The following SHANK2 variants were observed in gnomAD, a reference collection of about 807,000 sequenced individuals.
SHANK2 encodes SH3 and multiple ankyrin repeat domains protein 2.
In SHANK2, 43 loss-of-function variants were observed where a neutral mutation model predicts 133.7. That is an observed-to-expected ratio of 0.32 (90% CI 0.25 to 0.41). The LOEUF (loss-of-function observed/expected upper bound fraction) is 0.41. Among genes scored for constraint, SHANK2 ranks in the 10% least tolerant of loss-of-function variants. SHANK2 has a pLI of 1.00. For missense variants in SHANK2, 1,994 were observed against 2,235.8 expected, an observed-to-expected ratio of 0.89 and a Z score of 2.18; for synonymous variants, 1,017 against 952.8, an observed-to-expected ratio of 1.07 and a Z score of -1.24.
chr11:70,615,298 C>T (rs1554995577), intron 17 of SHANK2, among the ~76,000 whole-genome samples: 1 of 152,132 alleles, frequency 6.6e-6, no homozygotes, highest in East Asian at 1.9e-4. Context: ...GTGGGACTGT[C>T]CTCTAGGTGG....
intron 11 of SHANK2, among the ~76,000 whole-genome samples, chr11:70,845,124 G>A (rs368145685): frequency 4.9e-4 from 74 of 150,676 alleles, no homozygotes; most frequent in African/African-American, 1.4e-3. Flanking sequence ...GCTTGAACCC[G>A]GGTGGCAGAG....
chr11:70,492,351 G>T lies in SHANK2; in HGVS notation c.2423C>A (p.Ala808Glu), dbSNP rs148134210. The part of the protein sequence containing the change: ...KQRPSSRCFP[A>E]GSDMNSVYER... ...GCCACTCACGTTCATGTCTGAGCCCGCCGGGAAGCACCGGCTGCTGGGCCG... is the reference window on the plus strand; with the variant it reads ...GCCACTCACGTTCATGTCTGAGCCCTCCGGGAAGCACCGGCTGCTGGGCCG... Residue 808 changes from alanine to glutamate, a missense_variant, in exon 22 of 26, where the codon GCG becomes GAG. Coordinates refer to ENST00000601538, the MANE Select transcript of SHANK2 (RefSeq NM_012309.5). 1.2e-6 allele frequency: 2 copies of T among 1,611,864 alleles called. No individual in the cohort carries two copies. The highest frequency in any genetic ancestry group is 1.3e-5 in the African/African-American group (1 of 74,932).
intron 10 of SHANK2, among the ~76,000 whole-genome samples, chr11:70,896,769 A>T (rs1555075791): frequency 6.6e-6 from 1 of 152,210 alleles, no homozygotes; most frequent in East Asian, 1.9e-4. Flanking sequence ...TTCTATGATG[A>T]TAAGGTTGTC....
chr11:70,796,071 C>T (rs952251102), intron 14 of SHANK2, among the ~76,000 whole-genome samples: 13 of 152,314 alleles, frequency 8.5e-5, no homozygotes, highest in East Asian at 3.9e-4. Context: ...CACAAACCAC[C>T]GCCCCTCTGG....
chr11:70,863,921 C>T (rs782601460), intron 11 of SHANK2: 12 of 447,096 alleles, frequency 2.7e-5, no homozygotes, highest in Admixed American at 1.0e-4. Flanking sequence ...CACAGGCGTC[C>T]GCCCCCACAA....
At chr11:70,873,121 A>G (rs575160000) in intron 11 of SHANK2, 5 of 471,234 alleles carry the variant, frequency 1.1e-5, no homozygotes, top group Non-Finnish European at 2.2e-5. Context: ...AGTTTATAGA[A>G]TGATATGTTT....
intron 14 of SHANK2, among the ~76,000 whole-genome samples, chr11:70,727,769 T>C (rs1309796332): frequency 6.6e-6 from 1 of 152,232 alleles, no homozygotes; most frequent in Non-Finnish European, 1.5e-5. Flanking sequence ...GCCCCAGCCC[T>C]ACCCGCAAGC....
intron 10 of SHANK2, among the ~76,000 whole-genome samples, chr11:70,940,647 C>G (rs1180676220): frequency 3.9e-5 from 6 of 152,134 alleles, no homozygotes; most frequent in Non-Finnish European, 7.3e-5. Flanking sequence ...CTCAATTTTT[C>G]TCAGAGGATA....
At chr11:70,860,266 G>A (rs1949237582) in intron 11 of SHANK2, among the ~76,000 whole-genome samples, 2 of 152,146 alleles carry the variant, frequency 1.3e-5, no homozygotes, top group Non-Finnish European at 2.9e-5. Context: ...GGGTGCGGGG[G>A]ATTTTCTCAG....
At chr11:70,638,155 C>A (rs1281099889) in intron 17 of SHANK2, among the ~76,000 whole-genome samples, 1 of 152,160 alleles carries the variant, frequency 6.6e-6, no homozygotes, top group Admixed American at 6.5e-5. Flanking sequence ...ATACACTAAT[C>A]GTCACTGCAC....
chr11:71,068,891 T>TCACCAC (rs1232957754), intron 9 of SHANK2, among the ~76,000 whole-genome samples: 260 of 150,854 alleles, frequency 1.7e-3, no homozygotes, highest in African/African-American at 6.2e-3. Flanking sequence ...ACCATCACCA[T>TCACCAC]CACCACCACC....
intron 2 of SHANK2, among the ~76,000 whole-genome samples, chr11:71,165,389 T>C (rs7124728): frequency 0.63 from 96,203 of 152,068 alleles, 31,662 homozygotes; most frequent in African/African-American, 0.81. Flanking sequence ...TTTAAACTAT[T>C]GCGCTAACCT....
chr11:70,588,591 ACT>A (rs1337910464), intron 17 of SHANK2, among the ~76,000 whole-genome samples: 6 of 152,338 alleles, frequency 3.9e-5, no homozygotes, highest in African/African-American at 1.4e-4. Context: ...CAAGGCCCTA[ACT>A]CTCTGCAATT....
intron 17 of SHANK2, among the ~76,000 whole-genome samples, chr11:70,645,709 TCA>T (rs1173907733): frequency 6.6e-6 from 1 of 151,916 alleles, no homozygotes; most frequent in African/African-American, 2.4e-5. Flanking sequence ...GGCCGACACC[TCA>T]CAGTTTCGCT....
rs564170426 is a variant in SHANK2 at position 70,467,974 on chromosome 11, C to T, written c.*4895G>A. On this transcript the variant is annotated 3_prime_UTR_variant, in exon 26 of 26. Coordinates refer to ENST00000601538, the MANE Select transcript of SHANK2 (RefSeq NM_012309.5). Reference sequence around the variant, plus strand: ...CATTTCATAGCTCGAACCGTCCTTTCTTTACGTTGTGCATTGATATGGGCT... The same window carrying T: ...CATTTCATAGCTCGAACCGTCCTTTTTTTACGTTGTGCATTGATATGGGCT... The T allele has an allele frequency of 2.1e-4, 32 of 152,762 alleles. No individual in the cohort carries two copies. The highest frequency in any genetic ancestry group is 6.3e-4 in the African/African-American group (26 of 41,582). The allele number at this position is 152,762 out of a possible 1,614,324, so 9.5% of individuals were successfully genotyped here.
chr11:71,073,127 G>T (rs1040587779), intron 9 of SHANK2, among the ~76,000 whole-genome samples: 87 of 93,742 alleles, frequency 9.3e-4, no homozygotes, highest in African/African-American at 2.0e-3. Context: ...CTTGCTTTTT[G>T]TTTTTTTTCT....
At chr11:70,710,355 CTG>C (rs564153074) in intron 14 of SHANK2, among the ~76,000 whole-genome samples, 36 of 152,332 alleles carry the variant, frequency 2.4e-4, no homozygotes, top group African/African-American at 6.7e-4. Flanking sequence ...CTGTAGGAGA[CTG>C]TGTCCCACTG....
At chr11:71,086,848 C>T (rs1447197299) in intron 8 of SHANK2, among the ~76,000 whole-genome samples, 2 of 152,150 alleles carry the variant, frequency 1.3e-5, no homozygotes, top group Non-Finnish European at 2.9e-5. Flanking sequence ...ATCTGATAGG[C>T]ACAAGGGCCC....
At chr11:70,924,294 G>A (rs1446694562) in intron 10 of SHANK2, among the ~76,000 whole-genome samples, 1 of 151,540 alleles carries the variant, frequency 6.6e-6, no homozygotes, top group Non-Finnish European at 1.5e-5. Flanking sequence ...AGCTCAGTCC[G>A]TGCCTCCTGG....
Sources: allele counts gnomAD v4.1 joint callset (sites outside exome capture counted in the v4.1 genomes callset), GRCh38; gene constraint gnomAD v4.1.1; transcripts MANE v1.5; gene names NCBI Gene and HGNC (gene_info 2026-07-23, HGNC 2026-07-21).